The following CDC5L variants were observed in gnomAD, a reference collection of about 807,000 sequenced individuals.
CDC5L encodes cell division cycle 5 like, also known as cell division cycle 5-like protein.
Under a neutral mutation model 104.1 loss-of-function variants are expected in CDC5L, and 18 were observed. That is an observed-to-expected ratio of 0.17 (90% CI 0.12 to 0.26). The LOEUF (loss-of-function observed/expected upper bound fraction) is 0.26, where lower values mean the gene tolerates loss of function less well. CDC5L is among the 10% of genes least tolerant of loss of function. The probability of loss-of-function intolerance (pLI) is 1.00; values close to 1 mark genes in which losing one functional copy is unlikely to be tolerated. For missense variants in CDC5L, 673 were observed against 956.9 expected, an observed-to-expected ratio of 0.70 and a Z score of 3.91; for synonymous variants, 331 against 322.7, an observed-to-expected ratio of 1.03 and a Z score of -0.28.
chr6:44,408,360 C>T, intron 7 of CDC5L, 84 bp from the exon 8 acceptor site: 1 of 1,102,570 alleles, frequency 9.1e-7, no homozygotes, highest in Non-Finnish European at 1.3e-6. Flanking sequence ...CCTCGGCCTC[C>T]CAGAGTGTTG....
intron 3 of CDC5L, 91 bp downstream of exon 3, chr6:44,392,919 T>A: frequency 8.6e-7 from 1 of 1,163,378 alleles, no homozygotes; most frequent in South Asian, 1.5e-5. Context: ...TTTAAACTTT[T>A]AATTATGGAT....
intron 14 of CDC5L, among the ~76,000 whole-genome samples, chr6:44,441,563 T>A (rs1006054259): frequency 2.6e-5 from 4 of 152,238 alleles, no homozygotes; most frequent in Admixed American, 6.5e-5. Context: ...CTGTACTAAT[T>A]TACAATACCA....
chr6:44,430,639 C>G (rs138252813), intron 14 of CDC5L, among the ~76,000 whole-genome samples: 1 of 149,416 alleles, frequency 6.7e-6, no homozygotes, highest in East Asian at 2.0e-4. Context: ...GTGGTGCAAT[C>G]TTGGCTCACT....
intron 1 of CDC5L, among the ~76,000 whole-genome samples, chr6:44,388,398 C>T (rs905282030): frequency 2.6e-5 from 4 of 152,140 alleles, no homozygotes; most frequent in Non-Finnish European, 2.9e-5. Flanking sequence ...CAGGGCATAA[C>T]CTGTCTGCCA....
rs1020414845 is a variant in CDC5L at position 44,449,647 on chromosome 6, A to T, written c.*2936A>T. The T allele has an allele frequency of 2.6e-5, 4 of 152,182 alleles. No individual in the cohort carries two copies. Among genetic ancestry groups the T allele is most frequent in the African/African-American group, 9.6e-5 (4 of 41,452 alleles). 9.4% of individuals were successfully genotyped at this position (152,182 alleles called of 1,614,324 possible). ...ATAAAATGTGATAAAAAGCTGAAAG[A>T]AACCACCACAAGGGAGAGTCCTTTT... On this transcript the variant is annotated 3_prime_UTR_variant, in exon 16 of 16. Transcript: ENST00000371477.
At chr6:44,415,686 C>T (rs1038085206) in intron 8 of CDC5L, among the ~76,000 whole-genome samples, 4 of 152,136 alleles carry the variant, frequency 2.6e-5, no homozygotes, top group Non-Finnish European at 4.4e-5. Context: ...CTCTTGCACA[C>T]ATCATTCTGT....
intron 14 of CDC5L, among the ~76,000 whole-genome samples, chr6:44,438,665 C>CTTTTTTTTTT (rs749816182): frequency 9.4e-6 from 1 of 106,286 alleles, no homozygotes; most frequent in Non-Finnish European, 2.0e-5. Flanking sequence ...GAAGTTTTGT[C>CTTTTTTTTTT]TTTTTTTTTT....
chr6:44,406,334 G>T lies in CDC5L; in HGVS notation c.770G>T (p.Gly257Val), dbSNP rs767525637. ...LDGELRSEKE[G>V]RDRKKDKQHL... The stretch of plus-strand genomic sequence containing the variant: ...TTGATCCATGACAGTGAAAAAGAAG[G>T]AAGAGATAGAAAAAAAGACAAACAG... Residue 257 changes from glycine to valine, a missense_variant, in exon 7 of 16, where the codon GGA becomes GTA. Physicochemically the swap from Gly to Val is moderately radical, Grantham distance 109. This residue lies in a region of CDC5L where 578 missense variants were observed against 737.0 expected (regional missense o/e 0.78). Transcript: ENST00000371477. 1 of 1,603,442 alleles carries T rather than the reference G, an allele frequency of 6.2e-7. No individual in the cohort carries two copies. The highest frequency in any genetic ancestry group is 8.5e-7 in the Non-Finnish European group (1 of 1,173,716).
intron 8 of CDC5L, among the ~76,000 whole-genome samples, chr6:44,417,701 C>G (rs1440089993): frequency 6.6e-6 from 1 of 152,094 alleles, no homozygotes; most frequent in African/African-American, 2.4e-5. Context: ...GTCAGTTCTG[C>G]CTAAAGAGAT....
intron 7 of CDC5L, among the ~76,000 whole-genome samples, chr6:44,407,367 G>A (rs1415728475): frequency 2.7e-5 from 4 of 149,084 alleles, no homozygotes; most frequent in South Asian, 2.1e-4. Flanking sequence ...TTGCTCTGTC[G>A]CCAGGCTGGA....
chr6:44,415,861 C>G (rs1365273294), intron 8 of CDC5L, among the ~76,000 whole-genome samples: 1 of 152,110 alleles, frequency 6.6e-6, no homozygotes, highest in Non-Finnish European at 1.5e-5. Flanking sequence ...AAATAAATGT[C>G]TACTAATGAA....
At chr6:44,427,375 T>C (rs1792472226) in intron 13 of CDC5L, among the ~76,000 whole-genome samples, 1 of 152,168 alleles carries the variant, frequency 6.6e-6, no homozygotes, top group East Asian at 1.9e-4. Context: ...AGCAGAGTGG[T>C]CATTAGCTTA....
At chr6:44,425,799 G>T (rs1195538523) in intron 11 of CDC5L, among the ~76,000 whole-genome samples, 5 of 152,030 alleles carry the variant, frequency 3.3e-5, no homozygotes, top group Non-Finnish European at 5.9e-5. Context: ...GAGTTTTGTC[G>T]TGGGAGTCTC....
chr6:44,392,941 C>A, intron 3 of CDC5L, 113 bp downstream of exon 3: 3 of 919,738 alleles, frequency 3.3e-6, no homozygotes, highest in Non-Finnish European at 3.2e-6. Flanking sequence ...TGAGTAAACC[C>A]AAAGCTAAAG....
At chr6:44,426,266 TAAAAC>T in intron 12 of CDC5L, 83 bp downstream of exon 12, 1 of 1,011,254 alleles carries the variant, frequency 9.9e-7, no homozygotes, top group Non-Finnish European at 1.5e-6. Context: ...ATAAAGACTA[TAAAAC>T]AAAATTTCAT....
intron 1 of CDC5L, 54 bp from the exon 2 acceptor site, chr6:44,390,214 C>T (rs1180681658): frequency 1.2e-4 from 134 of 1,138,456 alleles, no homozygotes; most frequent in Non-Finnish European, 1.7e-4. Flanking sequence ...TAAATTTTGT[C>T]TTTTCCCACT....
At chr6:44,389,376 T>C (rs1254943294) in intron 1 of CDC5L, among the ~76,000 whole-genome samples, 2 of 152,178 alleles carry the variant, frequency 1.3e-5, no homozygotes, top group Non-Finnish European at 2.9e-5. Context: ...AAAGTATCTT[T>C]GATCATGGGA....
intron 8 of CDC5L, among the ~76,000 whole-genome samples, chr6:44,410,256 T>G (rs1190760371): frequency 1.3e-5 from 2 of 152,078 alleles, no homozygotes; most frequent in Non-Finnish European, 2.9e-5. Context: ...TAACCACCAT[T>G]TTACTCTTTT....
intron 15 of CDC5L, among the ~76,000 whole-genome samples, chr6:44,446,101 G>A (rs1380733082): frequency 6.6e-6 from 1 of 152,170 alleles, no homozygotes; most frequent in Non-Finnish European, 1.5e-5. Context: ...TTTCCAATAT[G>A]TAGATACACT....
Sources: gnomAD v4.1 joint callset for allele counts (sites outside exome capture counted in the v4.1 genomes callset) on GRCh38, gnomAD v4.1.1 for gene constraint, gnomAD v4.1.1 regional missense constraint, MANE v1.5 for transcripts, NCBI Gene and HGNC (gene_info 2026-07-23, HGNC 2026-07-21) for gene names.